MGAM2: variants seen among roughly 807,000 people sequenced by gnomAD.
The protein encoded by MGAM2 is probable maltase-glucoamylase 2.
In MGAM2, 98 loss-of-function variants were observed where a neutral mutation model predicts 96.1. That is an observed-to-expected ratio of 1.02 (90% CI 0.87 to 1.21). The LOEUF is 1.21. MGAM2 is among the 50% of genes most tolerant of loss of function. The probability of loss-of-function intolerance (pLI) is 0.00; values close to 1 mark genes in which losing one functional copy is unlikely to be tolerated. For missense variants in MGAM2, 2,055 were observed against 1,182.4 expected (o/e 1.74, Z -10.82); for synonymous variants, 749 against 414.8 (o/e 1.81, Z -9.79).
intron 1 of MGAM2, among the ~76,000 whole-genome samples, chr7:142,113,214 C>T (rs4593441): frequency 0.22 from 33,345 of 152,006 alleles, 4,427 homozygotes; most frequent in African/African-American, 0.36. Context: ...AGAGAACAGT[C>T]TTTGTCCCTG....
intron 44 of MGAM2, among the ~76,000 whole-genome samples, chr7:142,199,264 C>T (rs1797145354): frequency 1.3e-5 from 2 of 152,096 alleles, no homozygotes; most frequent in African/African-American, 4.8e-5. Context: ...TCAAGAAAGG[C>T]ACATAATAAC....
At chr7:142,112,952 G>T (rs1234752149) in intron 1 of MGAM2, among the ~76,000 whole-genome samples, 1 of 152,074 alleles carries the variant, frequency 6.6e-6, no homozygotes, top group Non-Finnish European at 1.5e-5. Flanking sequence ...AAGGGCTAAG[G>T]GTTCTTCCTA....
At chr7:142,147,663 G>T in intron 15 of MGAM2, 90 bp downstream of exon 15, 2 of 568,254 alleles carry the variant, frequency 3.5e-6, no homozygotes, top group South Asian at 2.4e-5. Flanking sequence ...GTAATATATT[G>T]TTCAAATATT....
At chr7:142,160,087 G>A in intron 20 of MGAM2, 47 bp from the exon 21 acceptor site, 4 of 672,662 alleles carry the variant, frequency 5.9e-6, no homozygotes, top group Non-Finnish European at 1.1e-5. Flanking sequence ...CCTCCTAGCT[G>A]AAACAGCTTA....
At chr7:142,193,631 G>T (rs1180110273) in intron 37 of MGAM2, among the ~76,000 whole-genome samples, 2 of 152,158 alleles carry the variant, frequency 1.3e-5, no homozygotes, top group Admixed American at 1.3e-4. Flanking sequence ...GCTTTTGCTA[G>T]TTTCTCAGGA....
At chr7:142,195,869 AGCTATATTAC>A (rs1417021771) in intron 37 of MGAM2, among the ~76,000 whole-genome samples, 1 of 152,118 alleles carries the variant, frequency 6.6e-6, no homozygotes, top group African/African-American at 2.4e-5. Flanking sequence ...TTCCATAAAT[AGCTATATTAC>A]GCCTCACTCC....
At chr7:142,128,397 AG>A (rs1379214868) in intron 3 of MGAM2, among the ~76,000 whole-genome samples, 1 of 152,270 alleles carries the variant, frequency 6.6e-6, no homozygotes, top group Non-Finnish European at 1.5e-5. Flanking sequence ...AGCCAGCTGC[AG>A]AAATTTACAT....
At chr7:142,176,466 TGTGTGAGG>T (rs138067366) in intron 32 of MGAM2, among the ~76,000 whole-genome samples, 28,659 of 152,024 alleles carry the variant, frequency 0.19, 2,960 homozygotes, top group East Asian at 0.34. Flanking sequence ...TGTGTGTGTG[TGTGTGAGG>T]GTGCATGCAT....
At chr7:142,189,321 T>A (rs1299347862) in intron 36 of MGAM2, 46 bp from the exon 37 acceptor site, 2 of 620,414 alleles carry the variant, frequency 3.2e-6, no homozygotes, top group South Asian at 1.8e-5. Flanking sequence ...TTCTAGTGAA[T>A]GTGCAAATCA....
chr7:142,133,111 T>G (rs1794951461), intron 6 of MGAM2, among the ~76,000 whole-genome samples: 2 of 137,328 alleles, frequency 1.5e-5, no homozygotes, highest in Non-Finnish European at 3.0e-5. Flanking sequence ...TTAATTTATA[T>G]TTAATATAAA....
rs577506802 is a variant in MGAM2 at position 142,186,676 on chromosome 7, A to G, written c.4122+553A>G. Among the ~76,000 whole-genome samples, 5 of 152,226 alleles carry G rather than the reference A, an allele frequency of 3.3e-5. 1 individual carries two copies. Among genetic ancestry groups the G allele is most frequent in the South Asian group, 4.1e-4 (2 of 4,824 alleles). ...TCTATCTATGTTTTCCTCTGTCCTG[A>G]TTTCCTTCCCCACTGTCCAGTGGCC... On this transcript the variant is annotated intron_variant, in intron 35 of 47. Coordinates refer to ENST00000477922, the MANE Select transcript of MGAM2 (RefSeq NM_001293626.2).
intron 26 of MGAM2, among the ~76,000 whole-genome samples, chr7:142,169,378 C>T (rs1231840858): frequency 6.6e-6 from 1 of 151,834 alleles, no homozygotes. Flanking sequence ...GCCGAGATCG[C>T]ACCACTGCAC....
Position 142,159,635 on chromosome 7 carries a change from C to T in MGAM2, c.2220+292C>T, listed in dbSNP as rs374423697. On this transcript the variant is annotated intron_variant, in intron 20 of 47. Coordinates refer to ENST00000477922, the MANE Select transcript of MGAM2 (RefSeq NM_001293626.2). ...TGTCTGGTGAAGGCCCTCTCTGCTT[C>T]ACTGATGGCACCTCCTTGCTCCTCC... Among the ~76,000 whole-genome samples the T allele has an allele frequency of 3.4e-4, 52 of 152,308 alleles. 1 individual carries two copies. In the East Asian group the frequency reaches 7.5e-3, roughly 22 times the overall value.
chr7:142,128,420 A>G (rs1280931702), intron 3 of MGAM2, among the ~76,000 whole-genome samples: 2 of 152,242 alleles, frequency 1.3e-5, no homozygotes, highest in Non-Finnish European at 2.9e-5. Context: ...AGTAACAAGG[A>G]GTCAAATGGT....
intron 21 of MGAM2, 42 bp downstream of exon 21, chr7:142,160,300 C>T (rs551341393): frequency 3.1e-6 from 2 of 639,642 alleles, no homozygotes; most frequent in Admixed American, 2.5e-5. Flanking sequence ...TTCTGGTGCT[C>T]TAATGGAGCA....
rs917798378 is a variant in MGAM2, at chr7:142,143,979, A to C, written c.1431+97A>C. The C allele has an allele frequency of 9.2e-6, 6 of 653,438 alleles. No homozygotes were observed. The Admixed American group carries it at 1.1e-4, about 12-fold the overall frequency. 40.5% of individuals were successfully genotyped at this position (653,438 alleles called of 1,614,324 possible). A position where few individuals can be genotyped will look rare whatever the true frequency, so the allele number is the denominator to read the frequency against. On this transcript the variant is annotated intron_variant, in intron 13 of 47. Transcript: ENST00000477922. Reference sequence around the variant, plus strand: ...TTGATGTCAAATAAATGTCAATAAAAAATAGTTTGCTTTATGTAGTAGTAT... The same window carrying C: ...TTGATGTCAAATAAATGTCAATAAACAATAGTTTGCTTTATGTAGTAGTAT...
chr7:142,219,882 C>G lies in MGAM2; in HGVS notation c.5371C>G (p.Gln1791Glu). Residue 1791 changes from glutamine to glutamate, a missense_variant, in exon 48 of 48, where the codon CAA becomes GAA. Gln to Glu is a conservative substitution (Grantham distance 29, BLOSUM62 2). Coordinates refer to ENST00000477922, the MANE Select transcript of MGAM2 (RefSeq NM_001293626.2). Reference protein sequence around the residue: ...SEPYNQILTIQLTDKTINLEK... With the variant: ...SEPYNQILTIELTDKTINLEK... ...TCTTTTCTGGCAGATACTAACTATT[C>G]AATTGACTGACAAGACTATCAACCT... The G allele has an allele frequency of 4.3e-6, 3 of 700,260 alleles. No homozygotes were observed. Among genetic ancestry groups the G allele is most frequent in the Non-Finnish European group, 7.8e-6 (3 of 383,588 alleles). 43.4% of individuals were successfully genotyped at this position (700,260 alleles called of 1,614,324 possible).
intron 17 of MGAM2, among the ~76,000 whole-genome samples, chr7:142,156,192 G>C (rs1795731888): frequency 6.6e-6 from 1 of 151,780 alleles, no homozygotes; most frequent in Admixed American, 6.6e-5. Context: ...CAGGGACATT[G>C]TTTTAAAAAT....
At chr7:142,114,944 C>T (rs770945571) in intron 1 of MGAM2, among the ~76,000 whole-genome samples, 1 of 152,060 alleles carries the variant, frequency 6.6e-6, no homozygotes, top group Non-Finnish European at 1.5e-5. Context: ...ATTACAGGCA[C>T]GGTGGCTCAT....
Sources: allele counts gnomAD v4.1 joint callset (sites outside exome capture counted in the v4.1 genomes callset), GRCh38; gene constraint gnomAD v4.1.1; transcripts MANE v1.5; gene names NCBI Gene and HGNC (gene_info 2026-07-23, HGNC 2026-07-21).